The following KCNH1 variants were observed in gnomAD, a reference collection of about 807,000 sequenced individuals.
KCNH1 encodes potassium voltage-gated channel subfamily H member 1.
In KCNH1, 27 loss-of-function variants were observed where a neutral mutation model predicts 69.2. That is an observed-to-expected ratio of 0.39 (90% CI 0.29 to 0.54). The LOEUF (loss-of-function observed/expected upper bound fraction) is 0.54. Ranked by LOEUF, KCNH1 falls within the 20% of genes least tolerant of loss-of-function variation. The probability of loss-of-function intolerance (pLI) is 0.68; values close to 1 mark genes in which losing one functional copy is unlikely to be tolerated. For missense variants in KCNH1, 798 were observed against 1,261.6 expected (o/e 0.63, Z 5.57); for synonymous variants, 456 against 487.7 (o/e 0.93, Z 0.86).
intron 10 of KCNH1, among the ~76,000 whole-genome samples, chr1:210,737,921 T>C (rs1004719149): frequency 6.6e-5 from 10 of 152,316 alleles, no homozygotes; most frequent in Non-Finnish European, 1.5e-4. Context: ...TTACCAAATT[T>C]ATCTTTCAAA....
At chr1:211,002,576 CT>C (rs1365656495) in intron 6 of KCNH1, among the ~76,000 whole-genome samples, 1 of 151,962 alleles carries the variant, frequency 6.6e-6, no homozygotes, top group Non-Finnish European at 1.5e-5. Context: ...CCTTAACATA[CT>C]TTATGAGATA....
chr1:210,850,079 C>T (rs1041346010), intron 7 of KCNH1, among the ~76,000 whole-genome samples: 1 of 152,156 alleles, frequency 6.6e-6, no homozygotes, highest in African/African-American at 2.4e-5. Flanking sequence ...TAGAATGTAA[C>T]CATTCCCCTA....
intron 7 of KCNH1, among the ~76,000 whole-genome samples, chr1:210,910,290 A>AT (rs1687203317): frequency 6.6e-6 from 1 of 151,948 alleles, no homozygotes; most frequent in South Asian, 2.1e-4. Context: ...AAAAAAAAAA[A>AT]AAAAATCATC....
intron 5 of KCNH1, among the ~76,000 whole-genome samples, chr1:211,052,345 C>T (rs1292485213): frequency 1.3e-5 from 2 of 152,190 alleles, no homozygotes; most frequent in Non-Finnish European, 2.9e-5. Context: ...GTCCAAAACA[C>T]CCCAGTAATA....
chr1:210,709,166 T>C (rs1339026875), intron 10 of KCNH1, among the ~76,000 whole-genome samples: 1 of 152,122 alleles, frequency 6.6e-6, no homozygotes. Context: ...AAATAATTAT[T>C]TAAACCCAGG....
intron 7 of KCNH1, among the ~76,000 whole-genome samples, chr1:210,855,630 C>T (rs1435578651): frequency 6.6e-6 from 1 of 152,200 alleles, no homozygotes; most frequent in African/African-American, 2.4e-5. Flanking sequence ...TCTGCTAGCA[C>T]CGTGGACAGC....
Position 211,134,005 on chromosome 1 carries a change from A to C in KCNH1, c.-60T>G. 1 of 1,486,074 alleles carries C rather than the reference A, an allele frequency of 6.7e-7. No homozygotes were observed. Among genetic ancestry groups the C allele is most frequent in the Non-Finnish European group, 9.3e-7 (1 of 1,070,376 alleles). The allele number at this position is 1,486,074 out of a possible 1,614,324, so 92.1% of individuals were successfully genotyped here. A position where few individuals can be genotyped will look rare whatever the true frequency, so the allele number is the denominator to read the frequency against. ...GCGCGGCTTCTTACGACAGCAGGAA[A>C]CTGGCCTCGGGGCCCGCACGCAGTC... is the stretch of plus-strand genomic sequence containing the variant. On this transcript the variant is annotated 5_prime_UTR_variant, in exon 1 of 11. Transcript: ENST00000271751. This position sits in a 1 kb window ranked among gnomAD's most constrained non-coding sequence, Gnocchi z 5.7.
At chr1:210,880,046 A>T (rs1358849874) in intron 7 of KCNH1, among the ~76,000 whole-genome samples, 1 of 152,190 alleles carries the variant, frequency 6.6e-6, no homozygotes, top group Non-Finnish European at 1.5e-5. Context: ...TGTGTTTAAG[A>T]TCTATGTGAG....
chr1:210,935,549 C>T (rs1687761880), intron 6 of KCNH1, among the ~76,000 whole-genome samples: 1 of 152,102 alleles, frequency 6.6e-6, no homozygotes, highest in African/African-American at 2.4e-5. Context: ...GACAGATATG[C>T]TAAATACACT....
rs201491318 is a variant in KCNH1, at chr1:210,941,156, C to T, written c.1033-21087G>A. Among the ~76,000 whole-genome samples the T allele has an allele frequency of 1.2e-4, 19 of 152,258 alleles. No individual in the cohort carries two copies. The East Asian group carries it at 2.7e-3, about 22-fold the overall frequency. On this transcript the variant is annotated intron_variant, in intron 6 of 10. Transcript: ENST00000271751. ...AGGAAGATTTGAGGAAGTAAGGAAG[C>T]GGCTGGGTCTCCTAACCACATGTGC...
chr1:211,079,853 C>G (rs547228537), intron 5 of KCNH1, among the ~76,000 whole-genome samples: 2 of 151,886 alleles, frequency 1.3e-5, no homozygotes, highest in African/African-American at 4.8e-5. Flanking sequence ...AAACCCACAG[C>G]CAATATCATA....
At chr1:210,774,657 G>A (rs1683825975) in intron 10 of KCNH1, among the ~76,000 whole-genome samples, 1 of 152,080 alleles carries the variant, frequency 6.6e-6, no homozygotes, top group South Asian at 2.1e-4. Context: ...GAGATGAAGT[G>A]CAAGAAAATC....
chr1:210,687,315 C>T (rs1323049819), intron 10 of KCNH1, among the ~76,000 whole-genome samples: 1 of 152,226 alleles, frequency 6.6e-6, no homozygotes, highest in South Asian at 2.1e-4. Context: ...GGTCAGAATC[C>T]TGGACTGAAC....
chr1:211,073,796 A>C (rs571805767), intron 5 of KCNH1, among the ~76,000 whole-genome samples: 2 of 152,260 alleles, frequency 1.3e-5, no homozygotes, highest in African/African-American at 4.8e-5. Context: ...CTGCTTTAGG[A>C]AACTAAAAAA....
chr1:210,908,794 G>A lies in KCNH1; in HGVS notation c.1462+10846C>T, dbSNP rs868513654. Among the ~76,000 whole-genome samples, 9 of 152,126 alleles carry A rather than the reference G, an allele frequency of 5.9e-5. No homozygotes were observed. In the South Asian group the frequency reaches 1.4e-3, roughly 24 times the overall value. The stretch of plus-strand genomic sequence containing the variant: ...GCTCAGCCACCCCCATTCCTGCCCA[G>A]ACCAGTTCTGTTTCCCATCTCTTCT... On this transcript the variant is annotated intron_variant, in intron 7 of 10. Transcript: ENST00000271751.
At chr1:210,887,722 CAAAAAAAAA>C (rs35066964) in intron 7 of KCNH1, among the ~76,000 whole-genome samples, 1 of 55,064 alleles carries the variant, frequency 1.8e-5, no homozygotes, top group African/African-American at 7.6e-5. Flanking sequence ...AATGGAAAGC[CAAAAAAAAA>C]AAAAAAAAAA....
intron 1 of KCNH1, among the ~76,000 whole-genome samples, chr1:211,131,639 A>T (rs1272960118): frequency 1.3e-5 from 2 of 152,238 alleles, no homozygotes; most frequent in African/African-American, 4.8e-5. Context: ...TTTTTCCACC[A>T]CAGTAAAATA....
chr1:210,768,602 G>A (rs1574244571), intron 10 of KCNH1, among the ~76,000 whole-genome samples: 2 of 152,150 alleles, frequency 1.3e-5, no homozygotes, highest in Non-Finnish European at 2.9e-5. Context: ...GTAGATCCAC[G>A]GAAGACCACA....
chr1:210,904,212 A>G (rs561691007), intron 7 of KCNH1, among the ~76,000 whole-genome samples: 1 of 152,218 alleles, frequency 6.6e-6, no homozygotes, highest in Non-Finnish European at 1.5e-5. Flanking sequence ...AAATGATGAC[A>G]TAACTGCTTT....
Sources: allele counts gnomAD v4.1 joint callset (sites outside exome capture counted in the v4.1 genomes callset), GRCh38; gene constraint gnomAD v4.1.1; non-coding constraint Gnocchi (gnomAD v3.1); transcripts MANE v1.5; gene names NCBI Gene and HGNC (gene_info 2026-07-23, HGNC 2026-07-21).